The following TAFA1 variants were observed in gnomAD, a reference collection of about 807,000 sequenced individuals.
TAFA1 encodes TAFA chemokine like family member 1.
Under a neutral mutation model 18.5 loss-of-function variants are expected in TAFA1, and 4 were observed. The observed-to-expected ratio is 0.22, with a 90% CI of 0.11 to 0.49. The LOEUF (loss-of-function observed/expected upper bound fraction) is 0.49, where lower values mean the gene tolerates loss of function less well. TAFA1 is among the 20% of genes least tolerant of loss of function. TAFA1 has a pLI of 0.98. For synonymous variants in TAFA1, 56 were observed against 55.2 expected (o/e 1.01, Z -0.06); for missense variants, 147 against 169.0 (o/e 0.87, Z 0.72).
chr3:68,324,758 A>G (rs962059807), intron 2 of TAFA1, among the ~76,000 whole-genome samples: 3 of 152,188 alleles, frequency 2.0e-5, no homozygotes, highest in Admixed American at 6.5e-5. Flanking sequence ...ACTTGTAGAA[A>G]TAATTCTAGA....
chr3:68,467,655 G>A lies in TAFA1; in HGVS notation c.259+50235G>A, dbSNP rs533853891. On this transcript the variant is annotated intron_variant, in intron 3 of 4. Transcript: ENST00000478136. The stretch of plus-strand genomic sequence containing the variant: ...AGAGGAAACATCAGGGGTAAGGGGA[G>A]ATTCTGGCTAAACTGGTTTAACAGG... Among the ~76,000 whole-genome samples, 13 of 152,322 alleles carry A rather than the reference G, an allele frequency of 8.5e-5. 1 individual carries two copies. In the South Asian group the frequency reaches 2.5e-3, roughly 29 times the overall value.
At chr3:68,117,686 T>C (rs2065340187) in intron 2 of TAFA1, among the ~76,000 whole-genome samples, 1 of 152,182 alleles carries the variant, frequency 6.6e-6, no homozygotes, top group African/African-American at 2.4e-5. Flanking sequence ...GCTTTATAAA[T>C]AGGGAACACA....
chr3:68,470,000 C>G (rs1311437321), intron 3 of TAFA1, among the ~76,000 whole-genome samples: 1 of 152,154 alleles, frequency 6.6e-6, no homozygotes, highest in East Asian at 1.9e-4. Flanking sequence ...GTGTCCCCAT[C>G]CAAATCTCAC....
the TAFA1 span, among the ~76,000 whole-genome samples, chr3:67,995,905 TA>T: frequency 6.6e-6 from 1 of 152,182 alleles, no homozygotes; most frequent in African/African-American, 2.4e-5. Context: ...ATAAAACACC[TA>T]AAACATGAAT....
intron 2 of TAFA1, among the ~76,000 whole-genome samples, chr3:68,057,066 G>A (rs1433377293): frequency 2.0e-5 from 3 of 152,102 alleles, no homozygotes; most frequent in Non-Finnish European, 4.4e-5. Flanking sequence ...TCTAACACAC[G>A]TTTTAGGTTC....
intron 2 of TAFA1, among the ~76,000 whole-genome samples, chr3:68,412,711 C>CT (rs1313847166): frequency 1.3e-5 from 2 of 152,020 alleles, no homozygotes; most frequent in Non-Finnish European, 2.9e-5. Context: ...TGAATGCATC[C>CT]TTTTTTATGG....
chr3:68,185,128 G>C (rs78450648), intron 2 of TAFA1, among the ~76,000 whole-genome samples: 6,752 of 152,196 alleles, frequency 0.044, 474 homozygotes, highest in African/African-American at 0.15. Flanking sequence ...AAGTGGAGAT[G>C]TGTAGCCAGA....
intron 2 of TAFA1, among the ~76,000 whole-genome samples, chr3:68,121,266 TGTGTGTGTG>T (rs2065395021): frequency 6.6e-6 from 1 of 151,564 alleles, no homozygotes; most frequent in Admixed American, 6.6e-5. Flanking sequence ...TGTGTGTGTG[TGTGTGTGTG>T]TGTGTGTGTG....
chr3:68,013,565 G>C (rs184234081), intron 2 of TAFA1, among the ~76,000 whole-genome samples: 2 of 152,244 alleles, frequency 1.3e-5, no homozygotes, highest in Non-Finnish European at 2.9e-5. Flanking sequence ...GCTTCACTTG[G>C]CAAATAGGGA....
the TAFA1 span, among the ~76,000 whole-genome samples, chr3:67,994,173 C>A: frequency 4.6e-5 from 7 of 152,014 alleles, no homozygotes; most frequent in Admixed American, 3.3e-4. Flanking sequence ...AGGAAATTTA[C>A]AACATTTCAA....
intron 3 of TAFA1, among the ~76,000 whole-genome samples, chr3:68,525,982 C>T (rs1511908): frequency 0.79 from 120,364 of 152,048 alleles, 47,735 homozygotes; most frequent in East Asian, 0.9. Context: ...TTGTGATTCA[C>T]TCAGCCACCT....
At chr3:68,457,968 T>C (rs896477488) in intron 3 of TAFA1, among the ~76,000 whole-genome samples, 1 of 152,278 alleles carries the variant, frequency 6.6e-6, no homozygotes, top group African/African-American at 2.4e-5. Flanking sequence ...CTATCACTCA[T>C]GGGTAAGCTC....
chr3:68,293,647 G>A (rs1250582372), intron 2 of TAFA1, among the ~76,000 whole-genome samples: 2 of 152,158 alleles, frequency 1.3e-5, no homozygotes, highest in Non-Finnish European at 2.9e-5. Flanking sequence ...TTAGCATGGT[G>A]CCTGGCACAT....
intron 2 of TAFA1, among the ~76,000 whole-genome samples, chr3:68,329,355 A>C (rs116176962): frequency 0.072 from 10,905 of 150,646 alleles, 696 homozygotes; most frequent in African/African-American, 0.16. Flanking sequence ...TGTGAGCCAC[A>C]GCGCCCAGCC....
intron 2 of TAFA1, among the ~76,000 whole-genome samples, chr3:68,127,690 A>ATGATGGTGGTGGTGGTGATGC (rs2106874460): frequency 2.9e-4 from 1 of 3,486 alleles, no homozygotes; most frequent in African/African-American, 1.4e-3. Flanking sequence ...TGGTGGTGTG[A>ATGATGGTGGTGGTGGTGATGC]TGATGGTGGT....
chr3:68,225,205 G>T (rs2066783056), intron 2 of TAFA1, among the ~76,000 whole-genome samples: 1 of 151,944 alleles, frequency 6.6e-6, no homozygotes, highest in Non-Finnish European at 1.5e-5. Context: ...ACCACACCTG[G>T]CTGGCTCATG....
intron 2 of TAFA1, among the ~76,000 whole-genome samples, chr3:68,369,642 C>G (rs1202776235): frequency 6.6e-6 from 1 of 152,148 alleles, no homozygotes; most frequent in Admixed American, 6.5e-5. Context: ...TTTTATAGCC[C>G]TTGTTCAATT....
chr3:68,545,292 G>A lies in TAFA1; in HGVS notation c.*789G>A, dbSNP rs1218532396. The A allele has an allele frequency of 6.6e-6, 1 of 152,532 alleles. No individual in the cohort carries two copies. The highest frequency in any genetic ancestry group is 1.9e-4 in the East Asian group (1 of 5,196). The allele number at this position is 152,532 out of a possible 1,614,324, so 9.4% of individuals were successfully genotyped here. On this transcript the variant is annotated 3_prime_UTR_variant, in exon 5 of 5. Coordinates refer to ENST00000478136, the MANE Select transcript of TAFA1 (RefSeq NM_213609.4). Reference sequence around the variant, plus strand: ...ATTCTTAAGGGAGCCACTCCACCATGCTATTAAGACTCTGGCAGAGTTATG... The same window carrying A: ...ATTCTTAAGGGAGCCACTCCACCATACTATTAAGACTCTGGCAGAGTTATG...
At chr3:68,265,566 G>A (rs922757841) in intron 2 of TAFA1, among the ~76,000 whole-genome samples, 3 of 152,202 alleles carry the variant, frequency 2.0e-5, no homozygotes, top group South Asian at 2.1e-4. Context: ...CCCACTAGGG[G>A]AAGGAACTTT....
Sources: gnomAD v4.1 joint callset for allele counts (sites outside exome capture counted in the v4.1 genomes callset) on GRCh38, gnomAD v4.1.1 for gene constraint, MANE v1.5 for transcripts, NCBI Gene and HGNC (gene_info 2026-07-23, HGNC 2026-07-21) for gene names.